Variants in RAB31 observed in about 807,000 individuals in gnomAD.
RAB31 encodes the protein ras-related protein Rab-31.
Under a neutral mutation model 25.6 loss-of-function variants are expected in RAB31, and 21 were observed. That is an observed-to-expected ratio of 0.82 (90% CI 0.58 to 1.18). RAB31 has a LOEUF of 1.18. RAB31 is among the 50% of genes most tolerant of loss of function. RAB31 has a pLI of 0.00. For missense variants in RAB31, 196 were observed against 250.1 expected, an observed-to-expected ratio of 0.78 and a Z score of 1.46; for synonymous variants, 87 against 84.0, an observed-to-expected ratio of 1.04 and a Z score of -0.20.
At chr18:9,814,475 G>C (rs533477944) in intron 4 of RAB31, among the ~76,000 whole-genome samples, 1 of 152,280 alleles carries the variant, frequency 6.6e-6, no homozygotes, top group African/African-American at 2.4e-5. Flanking sequence ...GTAAATCTTT[G>C]TGTGTGTATA....
Position 9,806,164 on chromosome 18 carries a change from G to C in RAB31, c.202-7856G>C, listed in dbSNP as rs185475287. 2.3e-3 allele frequency among the ~76,000 whole-genome samples: 326 copies of C among 141,924 alleles called. 1 individual carries two copies. The highest frequency in any genetic ancestry group is 7.8e-3 in the African/African-American group (292 of 37,552). 93.1% of individuals were successfully genotyped at this position (141,924 alleles called of 152,430 possible). A position where few individuals can be genotyped will look rare whatever the true frequency, so the allele number is the denominator to read the frequency against. ...TGCACTCCAGCCTGGGCAACACAGA[G>C]AGACTCCGTCTCAAAAAAAAAAAAG... On this transcript the variant is annotated intron_variant, in intron 3 of 6. Transcript: ENST00000578921.
Position 9,850,360 on chromosome 18 carries a change from A to C in RAB31, c.490+4669A>C, listed in dbSNP as rs568530578. Among the ~76,000 whole-genome samples the C allele has an allele frequency of 5.3e-5, 8 of 152,298 alleles. No homozygotes were observed. In the East Asian group the frequency reaches 1.5e-3, roughly 29 times the overall value. On this transcript the variant is annotated intron_variant, in intron 6 of 6. Coordinates refer to ENST00000578921, the MANE Select transcript of RAB31 (RefSeq NM_006868.4). ...GGCTGGTCTTGAACTCCTGGGCTCA[A>C]GTGGTCCTCCCGCCTTGGCTTCCCA...
intron 1 of RAB31, among the ~76,000 whole-genome samples, chr18:9,732,721 C>T (rs1012104686): frequency 1.6e-4 from 25 of 152,200 alleles, no homozygotes; most frequent in Non-Finnish European, 3.1e-4. Flanking sequence ...AGCTGGTTGG[C>T]GCTGAACTTT....
intron 1 of RAB31, chr18:9,774,789 A>G (rs2068363506): frequency 2.0e-6 from 1 of 502,664 alleles, no homozygotes; most frequent in Non-Finnish European, 3.9e-6. Context: ...TTATTACCCA[A>G]CCATCAGATT....
chr18:9,827,742 T>C (rs770589689), intron 5 of RAB31, among the ~76,000 whole-genome samples: 48 of 152,138 alleles, frequency 3.2e-4, no homozygotes, highest in Non-Finnish European at 1.5e-4. Context: ...AGGAAATTAG[T>C]CCTATCAGCT....
At chr18:9,783,092 G>T (rs1428366225) in intron 2 of RAB31, among the ~76,000 whole-genome samples, 1 of 152,184 alleles carries the variant, frequency 6.6e-6, no homozygotes, top group Non-Finnish European at 1.5e-5. Flanking sequence ...AGGGATATGT[G>T]TGTGTGTGAG....
intron 5 of RAB31, among the ~76,000 whole-genome samples, chr18:9,831,155 A>G (rs2068676368): frequency 6.6e-6 from 1 of 152,240 alleles, no homozygotes; most frequent in East Asian, 1.9e-4. Context: ...TGTGGGCCCC[A>G]GAAAAGATTT....
chr18:9,808,600 C>A (rs1189316439), intron 3 of RAB31, among the ~76,000 whole-genome samples: 2 of 152,188 alleles, frequency 1.3e-5, no homozygotes, highest in Non-Finnish European at 2.9e-5. Context: ...TTTCTTCTAC[C>A]CCTTCTCTCT....
intron 5 of RAB31, among the ~76,000 whole-genome samples, chr18:9,822,511 G>A (rs1413939533): frequency 6.6e-6 from 1 of 152,114 alleles, no homozygotes; most frequent in East Asian, 1.9e-4. Flanking sequence ...GAAATATTGA[G>A]GTGTGAAGAG....
chr18:9,738,855 G>A (rs2068163617), intron 1 of RAB31, among the ~76,000 whole-genome samples: 1 of 152,130 alleles, frequency 6.6e-6, no homozygotes, highest in Non-Finnish European at 1.5e-5. Context: ...CTCCCGCTGT[G>A]GGATCTGACA....
At chr18:9,853,325 T>C (rs1467125434) in intron 6 of RAB31, among the ~76,000 whole-genome samples, 1 of 152,162 alleles carries the variant, frequency 6.6e-6, no homozygotes, top group East Asian at 1.9e-4. Context: ...AAGGGATACA[T>C]CCATATAATG....
intron 1 of RAB31, among the ~76,000 whole-genome samples, chr18:9,734,103 G>GGAGGGAGA (rs1246569621): frequency 2.7e-5 from 2 of 74,736 alleles, no homozygotes; most frequent in East Asian, 9.3e-4. Flanking sequence ...GTGGCGGGGA[G>GGAGGGAGA]GAGGGAGGGA....
chr18:9,753,748 C>T (rs1199734530), intron 1 of RAB31, among the ~76,000 whole-genome samples: 5 of 152,078 alleles, frequency 3.3e-5, no homozygotes, highest in Non-Finnish European at 5.9e-5. Context: ...CTACAAGTAG[C>T]GCGACTGTGA....
At chr18:9,828,897 A>G (rs962580678) in intron 5 of RAB31, among the ~76,000 whole-genome samples, 3 of 152,162 alleles carry the variant, frequency 2.0e-5, no homozygotes, top group Admixed American at 1.3e-4. Context: ...GAGGAAGAAT[A>G]GAGTCTGTGC....
At chr18:9,768,564 T>A (rs569490013) in intron 1 of RAB31, among the ~76,000 whole-genome samples, 1 of 152,282 alleles carries the variant, frequency 6.6e-6, no homozygotes, top group Non-Finnish European at 1.5e-5. Flanking sequence ...TCTTGTACGT[T>A]TGTTTAAGTT....
At chr18:9,743,902 C>G (rs1181796212) in intron 1 of RAB31, among the ~76,000 whole-genome samples, 1 of 152,242 alleles carries the variant, frequency 6.6e-6, no homozygotes, top group Non-Finnish European at 1.5e-5. Context: ...GCAGCTGACT[C>G]ACTTCACTGT....
At chr18:9,725,923 T>G (rs1226062823) in intron 1 of RAB31, 1 of 152,184 alleles carries the variant, frequency 6.6e-6, no homozygotes, top group Admixed American at 6.6e-5. Flanking sequence ...GCGACAACAA[T>G]ATATTTGTTT....
At chr18:9,714,029 T>C (rs966062314) in intron 1 of RAB31, among the ~76,000 whole-genome samples, 4 of 152,182 alleles carry the variant, frequency 2.6e-5, no homozygotes, top group Non-Finnish European at 5.9e-5. Flanking sequence ...GGGACACAAA[T>C]ATTAATTCCA....
At chr18:9,724,293 AAAAAAC>A in intron 1 of RAB31, among the ~76,000 whole-genome samples, 1 of 133,344 alleles carries the variant, frequency 7.5e-6, no homozygotes, top group African/African-American at 3.4e-5. Flanking sequence ...AAAAACAAAA[AAAAAAC>A]ATTATTATTG....
Sources: allele counts gnomAD v4.1 joint callset (sites outside exome capture counted in the v4.1 genomes callset), GRCh38; gene constraint gnomAD v4.1.1; transcripts MANE v1.5; gene names NCBI Gene and HGNC (gene_info 2026-07-23, HGNC 2026-07-21).